COL15A1: variants seen among roughly 807,000 people sequenced by gnomAD.
COL15A1 encodes the protein collagen alpha-1(XV) chain.
COL15A1 carries 111 observed loss-of-function variants against 165.9 expected under a neutral mutation model. That is an observed-to-expected ratio of 0.67 (90% CI 0.57 to 0.78). The LOEUF (loss-of-function observed/expected upper bound fraction) is 0.78, where lower values mean the gene tolerates loss of function less well. Among genes scored for constraint, COL15A1 ranks in the 30% least tolerant of loss-of-function variants. COL15A1 has a pLI of 0.00. For synonymous variants in COL15A1, 659 were observed against 674.8 expected (o/e 0.98, Z 0.36); for missense variants, 1,745 against 1,789.7 (o/e 0.98, Z 0.45).
At chr9:99,052,246 T>C (rs1839601879) in intron 30 of COL15A1, 142 bp from the exon 31 acceptor site, 5 of 695,268 alleles carry the variant, frequency 7.2e-6, no homozygotes, top group Admixed American at 2.1e-5. Context: ...ACTCAGGGCT[T>C]TGGGGGACTC....
intron 26 of COL15A1, among the ~76,000 whole-genome samples, chr9:99,047,216 G>C (rs1376112122): frequency 1.3e-5 from 2 of 152,216 alleles, no homozygotes; most frequent in African/African-American, 4.8e-5. Flanking sequence ...TGTGGTCCTG[G>C]AAAGCCAGCA....
intron 16 of COL15A1, 98 bp downstream of exon 16, chr9:99,026,064 C>T: frequency 8.7e-7 from 1 of 1,147,960 alleles, no homozygotes; most frequent in Non-Finnish European, 1.2e-6. Flanking sequence ...ATGTGACTGA[C>T]CCCCTGGCCT....
chr9:99,061,193 C>A (rs558551063), intron 36 of COL15A1, among the ~76,000 whole-genome samples: 25 of 152,220 alleles, frequency 1.6e-4, no homozygotes, highest in African/African-American at 5.1e-4. Context: ...TGATGGAATT[C>A]TGATATTTGG....
At chr9:98,964,801 A>G (rs1480347903) in intron 2 of COL15A1, among the ~76,000 whole-genome samples, 11 of 152,094 alleles carry the variant, frequency 7.2e-5, no homozygotes, top group Non-Finnish European at 1.5e-5. Context: ...CAGTTTTCTC[A>G]TCTTGGGGAC....
chr9:98,965,937 T>C (rs1837949494), intron 2 of COL15A1, among the ~76,000 whole-genome samples: 2 of 151,778 alleles, frequency 1.3e-5, no homozygotes, highest in Admixed American at 6.6e-5. Flanking sequence ...CCCATGTTGG[T>C]GTCTGGTCCT....
At chr9:99,044,675 C>A (rs771728303) in intron 25 of COL15A1, 39 bp downstream of exon 25, 1 of 1,612,076 alleles carries the variant, frequency 6.2e-7, no homozygotes, top group East Asian at 2.2e-5. Context: ...CATATCTGCC[C>A]CAGCTTTGCA....
intron 15 of COL15A1, 80 bp from the exon 16 acceptor site, chr9:99,025,824 C>T: frequency 6.7e-7 from 1 of 1,487,766 alleles, no homozygotes. Flanking sequence ...CCTCCCAACC[C>T]TGCCCTCCTT....
intron 2 of COL15A1, among the ~76,000 whole-genome samples, chr9:98,949,603 T>C (rs1401254475): frequency 6.6e-6 from 1 of 152,256 alleles, no homozygotes; most frequent in Non-Finnish European, 1.5e-5. Flanking sequence ...TACTGTAGCC[T>C]TAATTTCCAT....
intron 12 of COL15A1, 138 bp from the exon 13 acceptor site, chr9:99,021,953 G>A: frequency 1.7e-6 from 2 of 1,173,458 alleles, no homozygotes; most frequent in Non-Finnish European, 1.3e-6. Context: ...ATTCCCTTAA[G>A]CTGTCTCTGC....
At position 99,038,111 on chromosome 9, in the gene COL15A1, G is replaced by GA. The variant is rs1207062703; in HGVS notation, c.2410-547dup. ...GGAAAAAGGATGACTAAAGTTAGAA[G>GA]AAAAAAAAAACACGATTTTTAAAAA... On this transcript the variant is annotated intron_variant, in intron 21 of 41. Transcript: ENST00000375001. 5.4e-3 allele frequency among the ~76,000 whole-genome samples: 801 copies of GA among 147,842 alleles called. 6 individuals are homozygous for GA. Among genetic ancestry groups the GA allele is most frequent in the African/African-American group, 0.018 (724 of 40,360 alleles).
chr9:99,046,646 T>C (rs1242407463), intron 26 of COL15A1, among the ~76,000 whole-genome samples: 2 of 152,076 alleles, frequency 1.3e-5, no homozygotes, highest in Non-Finnish European at 2.9e-5. Flanking sequence ...TACAAAACCA[T>C]CAGAGCTAGG....
At chr9:99,063,134 C>A in intron 39 of COL15A1, 25 bp downstream of exon 39, 1 of 1,567,794 alleles carries the variant, frequency 6.4e-7, no homozygotes, top group Admixed American at 2.1e-5. Context: ...TACATTTAAT[C>A]TTCAAATACT....
chr9:99,008,794 G>A (rs993784636), intron 9 of COL15A1, among the ~76,000 whole-genome samples: 4 of 152,054 alleles, frequency 2.6e-5, no homozygotes, highest in Non-Finnish European at 5.9e-5. Flanking sequence ...ATTTTTAGCA[G>A]AGATGGGGTT....
chr9:99,040,245 T>A (rs1040715294), intron 22 of COL15A1, among the ~76,000 whole-genome samples: 3 of 152,216 alleles, frequency 2.0e-5, no homozygotes, highest in African/African-American at 4.8e-5. Flanking sequence ...AACCAGAGAT[T>A]GGGCATCCCT....
chr9:99,037,716 T>G (rs1165739810), intron 21 of COL15A1, among the ~76,000 whole-genome samples: 1 of 151,918 alleles, frequency 6.6e-6, no homozygotes, highest in East Asian at 1.9e-4. Context: ...AAAAGACTGT[T>G]TGGGTTATGA....
intron 2 of COL15A1, among the ~76,000 whole-genome samples, chr9:98,949,051 C>A (rs1310798991): frequency 6.6e-6 from 1 of 152,202 alleles, no homozygotes; most frequent in East Asian, 1.9e-4. Flanking sequence ...AACAGTCATC[C>A]CTTTCTTGCT....
chr9:99,024,277 G>GTTTTTTTTTTTTTTT (rs773196929), intron 14 of COL15A1, among the ~76,000 whole-genome samples: 13 of 108,644 alleles, frequency 1.2e-4, no homozygotes, highest in East Asian at 3.7e-4. Flanking sequence ...AGTTTTTTTT[G>GTTTTTTTTTTTTTTT]TTTTTTTGTT....
chr9:99,011,024 A>G (rs562587734), intron 9 of COL15A1, among the ~76,000 whole-genome samples: 4 of 152,238 alleles, frequency 2.6e-5, no homozygotes, highest in Admixed American at 1.3e-4. Flanking sequence ...TAACCAGAGG[A>G]AAAAAAATCT....
In COL15A1 at chr9:99,055,166, A is replaced by T; in HGVS notation, c.3081+15A>T. The T allele has an allele frequency of 6.2e-7, 1 of 1,611,088 alleles. No individual in the cohort carries two copies. Among genetic ancestry groups the T allele is most frequent in the Non-Finnish European group, 8.5e-7 (1 of 1,177,262 alleles). Reference sequence around the variant, plus strand: ...ACAACTTGAAGGTGAGTATTTCTCTACCAATATTTGGCCTGTGTTTTTCAG... The same window carrying T: ...ACAACTTGAAGGTGAGTATTTCTCTTCCAATATTTGGCCTGTGTTTTTCAG... On this transcript the variant is annotated intron_variant, in intron 33 of 41. Coordinates refer to ENST00000375001, the MANE Select transcript of COL15A1 (RefSeq NM_001855.5).
Sources: gnomAD v4.1 joint callset for allele counts (sites outside exome capture counted in the v4.1 genomes callset) on GRCh38, gnomAD v4.1.1 for gene constraint, MANE v1.5 for transcripts, NCBI Gene and HGNC (gene_info 2026-07-23, HGNC 2026-07-21) for gene names.